The following CAMTA1 variants were observed in gnomAD, a reference collection of about 807,000 sequenced individuals.
CAMTA1 encodes calmodulin-binding transcription activator 1.
In CAMTA1, 27 loss-of-function variants were observed where a neutral mutation model predicts 170.9. The observed-to-expected ratio is 0.16, with a 90% confidence interval of 0.12 to 0.22. The LOEUF (loss-of-function observed/expected upper bound fraction) is 0.22. Among genes scored for constraint, CAMTA1 ranks in the 10% least tolerant of loss-of-function variants. The probability of loss-of-function intolerance (pLI) is 1.00; values close to 1 mark genes in which losing one functional copy is unlikely to be tolerated. For missense variants in CAMTA1, 1,619 were observed against 2,217.2 expected (o/e 0.73, Z 5.42); for synonymous variants, 833 against 891.5 (o/e 0.93, Z 1.17).
chr1:7,556,022 C>T (rs986000686), intron 6 of CAMTA1, among the ~76,000 whole-genome samples: 1 of 152,164 alleles, frequency 6.6e-6, no homozygotes. Flanking sequence ...TCACACAGGA[C>T]CACTTGGGGA....
intron 3 of CAMTA1, among the ~76,000 whole-genome samples, chr1:6,854,688 T>A (rs57599077): frequency 6.6e-6 from 1 of 152,170 alleles, no homozygotes; most frequent in African/African-American, 2.4e-5. Context: ...AATATCATAC[T>A]TACAAAGACA....
intron 3 of CAMTA1, among the ~76,000 whole-genome samples, chr1:7,049,136 T>C (rs554588316): frequency 6.6e-6 from 1 of 152,256 alleles, no homozygotes; most frequent in East Asian, 1.9e-4. Context: ...GCTCAGCTTG[T>C]TTCAAGTCTG....
chr1:7,667,979 T>C (rs1047272583), intron 9 of CAMTA1, among the ~76,000 whole-genome samples: 9 of 152,160 alleles, frequency 5.9e-5, no homozygotes, highest in African/African-American at 1.7e-4. Flanking sequence ...GGCCACTGTC[T>C]CCACACCACA....
At chr1:6,923,306 C>T (rs1007933847) in intron 3 of CAMTA1, among the ~76,000 whole-genome samples, 1 of 152,186 alleles carries the variant, frequency 6.6e-6, no homozygotes, top group Non-Finnish European at 1.5e-5. Context: ...CAATTCGGGT[C>T]ATCCCTGTGC....
intron 11 of CAMTA1, among the ~76,000 whole-genome samples, chr1:7,704,165 C>T (rs2096476756): frequency 6.7e-6 from 1 of 149,784 alleles, no homozygotes; most frequent in Non-Finnish European, 1.5e-5. Context: ...CAGACGCCGC[C>T]GCCGCAGGGC....
chr1:6,863,152 A>G (rs1038292948), intron 3 of CAMTA1, among the ~76,000 whole-genome samples: 5 of 152,234 alleles, frequency 3.3e-5, no homozygotes, highest in African/African-American at 1.2e-4. Context: ...CTGTGTGTGT[A>G]TGGTGGAGGA....
Position 7,207,207 on chromosome 1 carries a change from G to T in CAMTA1, c.303-42284G>T, listed in dbSNP as rs537043889. On this transcript the variant is annotated intron_variant, in intron 4 of 22. Coordinates refer to ENST00000303635, the MANE Select transcript of CAMTA1 (RefSeq NM_015215.4). ...GACACTTTACTAGGCTCTGAACAGG[G>T]CTTAGTGATGAATAAGACCCAGTTC... Among the ~76,000 whole-genome samples the T allele has an allele frequency of 2.5e-3, 382 of 152,266 alleles. 7 individuals carry two copies. The highest frequency in any genetic ancestry group is 8.4e-4 in the Non-Finnish European group (57 of 68,024).
At chr1:7,255,278 A>C (rs1015555810) in intron 5 of CAMTA1, among the ~76,000 whole-genome samples, 18 of 152,306 alleles carry the variant, frequency 1.2e-4, no homozygotes, top group African/African-American at 4.1e-4. Context: ...CCAGAGCTTA[A>C]AGTACAATTA....
intron 3 of CAMTA1, among the ~76,000 whole-genome samples, chr1:6,896,069 C>A (rs1414031297): frequency 6.6e-6 from 1 of 152,162 alleles, no homozygotes; most frequent in Non-Finnish European, 1.5e-5. Flanking sequence ...GAAGAGCTCC[C>A]ACTTGGTGGA....
intron 6 of CAMTA1, among the ~76,000 whole-genome samples, chr1:7,605,383 G>A (rs549057503): frequency 6.6e-6 from 1 of 152,332 alleles, no homozygotes; most frequent in African/African-American, 2.4e-5. Context: ...CTCGGCAATG[G>A]CAGGCGCCCC....
chr1:7,559,591 G>T (rs972251715), intron 6 of CAMTA1, among the ~76,000 whole-genome samples: 4 of 152,210 alleles, frequency 2.6e-5, no homozygotes, highest in South Asian at 2.1e-4. Context: ...ACCTGCTAAT[G>T]CCACGGTTTG....
In CAMTA1 at chr1:7,463,608, A is replaced by G. The variant is rs1375655051; in HGVS notation, c.439-4222A>G. Among the ~76,000 whole-genome samples the G allele has an allele frequency of 6.6e-6, 1 of 152,102 alleles. No homozygotes were observed. Among genetic ancestry groups the G allele is most frequent in the Non-Finnish European group, 1.5e-5 (1 of 68,010 alleles). On this transcript the variant is annotated intron_variant, in intron 5 of 22. Coordinates refer to ENST00000303635, the MANE Select transcript of CAMTA1 (RefSeq NM_015215.4). This position sits in a 1 kb window ranked among gnomAD's most constrained non-coding sequence, Gnocchi z 4.7. Reference sequence around the variant, plus strand: ...AGATAGAGACGGAAGAAGAGAGACCAAGGGACAGAGACACAGAGAGGCAAG... The same window carrying G: ...AGATAGAGACGGAAGAAGAGAGACCGAGGGACAGAGACACAGAGAGGCAAG...
intron 4 of CAMTA1, among the ~76,000 whole-genome samples, chr1:7,134,805 C>T (rs946760291): frequency 1.3e-5 from 2 of 152,128 alleles, no homozygotes; most frequent in Non-Finnish European, 2.9e-5. Flanking sequence ...GTAGCTCTGT[C>T]AACAGAGTAA....
intron 3 of CAMTA1, among the ~76,000 whole-genome samples, chr1:7,038,434 A>G (rs1703952712): frequency 6.6e-6 from 1 of 152,242 alleles, no homozygotes; most frequent in Non-Finnish European, 1.5e-5. Context: ...CTGCCATTTC[A>G]ATTTAAAGAT....
At chr1:7,494,370 T>G (rs939491229) in intron 6 of CAMTA1, among the ~76,000 whole-genome samples, 15 of 152,332 alleles carry the variant, frequency 9.8e-5, no homozygotes, top group Admixed American at 2.6e-4. Context: ...CCTGGAAATA[T>G]GAATAAATTC....
intron 5 of CAMTA1, among the ~76,000 whole-genome samples, chr1:7,344,849 C>G (rs1481349740): frequency 1.3e-5 from 2 of 151,174 alleles, no homozygotes; most frequent in African/African-American, 2.4e-5. Flanking sequence ...CTGGGTTCAT[C>G]CCATTCTCCT....
At chr1:7,439,337 T>C (rs1204949827) in intron 5 of CAMTA1, among the ~76,000 whole-genome samples, 5 of 152,154 alleles carry the variant, frequency 3.3e-5, no homozygotes, top group Non-Finnish European at 7.4e-5. Flanking sequence ...TTCTTCGTTG[T>C]CTGGAATCGA....
At chr1:7,617,068 A>G (rs1301747720) in intron 6 of CAMTA1, among the ~76,000 whole-genome samples, 4 of 152,156 alleles carry the variant, frequency 2.6e-5, no homozygotes, top group African/African-American at 9.7e-5. Context: ...TTCTATAAAT[A>G]GCCCTTCCCG....
rs974478723 is a variant in CAMTA1 at position 7,664,531 on chromosome 1, G to A, written c.1984G>A (p.Val662Met). The change falls in exon 9 of 23, where the codon GTG (valine) becomes ATG (methionine). Residue 662 changes from valine to methionine, a missense_variant. By Grantham distance (21) the Val-to-Met change is conservative. Transcript: ENST00000303635. ...SSQTSSCSGH[V>M]ETRIESTSSL... ...CCAAACCAGCTCCTGCAGCGGTCACGTGGAGACGCGGATCGAGTCCACTTC... is the reference window on the plus strand; with the variant it reads ...CCAAACCAGCTCCTGCAGCGGTCACATGGAGACGCGGATCGAGTCCACTTC... 15 of 1,613,282 alleles carry A rather than the reference G, an allele frequency of 9.3e-6. No homozygotes were observed. The highest frequency in any genetic ancestry group is 1.7e-5 in the Admixed American group (1 of 60,030).
Sources: gnomAD v4.1 joint callset for allele counts (sites outside exome capture counted in the v4.1 genomes callset) on GRCh38, gnomAD v4.1.1 for gene constraint, Gnocchi (gnomAD v3.1) non-coding constraint, MANE v1.5 for transcripts, NCBI Gene and HGNC (gene_info 2026-07-23, HGNC 2026-07-21) for gene names.